Variants in VAPB observed in about 807,000 individuals in gnomAD.
VAPB encodes vesicle-associated membrane protein-associated protein B/C.
Under a neutral mutation model 25.6 loss-of-function variants are expected in VAPB, and 7 were observed. The observed-to-expected ratio is 0.27, with a 90% CI of 0.16 to 0.51. The LOEUF (loss-of-function observed/expected upper bound fraction) is 0.51, where lower values mean the gene tolerates loss of function less well. VAPB is among the 20% of genes least tolerant of loss of function. The probability of loss-of-function intolerance (pLI) is 0.97; values close to 1 mark genes in which losing one functional copy is unlikely to be tolerated. For synonymous variants in VAPB, 112 were observed against 109.2 expected (o/e 1.03, Z -0.16); for missense variants, 266 against 301.3 (o/e 0.88, Z 0.87).
At chr20:58,425,248 G>C (rs770957943) in intron 2 of VAPB, among the ~76,000 whole-genome samples, 1 of 152,194 alleles carries the variant, frequency 6.6e-6, no homozygotes, top group Non-Finnish European at 1.5e-5. Context: ...GGGAGTGCGA[G>C]ACTGAGGGCA....
intron 1 of VAPB, among the ~76,000 whole-genome samples, chr20:58,403,810 A>C (rs1988157275): frequency 6.6e-6 from 1 of 152,222 alleles, no homozygotes. Context: ...CCTCAAACTC[A>C]GCATGTTCCA....
chr20:58,401,174 T>G (rs954223465), intron 1 of VAPB, among the ~76,000 whole-genome samples: 3 of 152,258 alleles, frequency 2.0e-5, no homozygotes, highest in African/African-American at 7.2e-5. Flanking sequence ...ATGCTTTTGT[T>G]GCCTTTCTCT....
At position 58,444,094 on chromosome 20, in the gene VAPB, G is replaced by C; in HGVS notation, c.591G>C (p.Arg197=). Residue 197 remains arginine (R), a synonymous_variant, in exon 6 of 6, where the codon CGG becomes CGC. Transcript: ENST00000475243. ...NKQFKEEDGL[R]MRKTVQSNSP... The stretch of plus-strand genomic sequence containing the variant: ...TCCCGTAGGAAGAAGATGGACTGCG[G>C]ATGAGGAAGACAGTGCAGAGCAACA... The C allele has an allele frequency of 6.2e-7, 1 of 1,614,264 alleles. No homozygotes were observed. Among genetic ancestry groups the C allele is most frequent in the Non-Finnish European group, 8.5e-7 (1 of 1,180,046 alleles).
chr20:58,444,043 G>A, intron 5 of VAPB, 34 bp from the exon 6 acceptor site: 1 of 1,614,078 alleles, frequency 6.2e-7, no homozygotes, highest in South Asian at 1.1e-5. Context: ...CTGGTGCCTT[G>A]GCTTGTCTTT....
At chr20:58,402,026 C>CT (rs1436165159) in intron 1 of VAPB, among the ~76,000 whole-genome samples, 8 of 152,234 alleles carry the variant, frequency 5.3e-5, no homozygotes, top group African/African-American at 1.9e-4. Context: ...CGAGTCTTCT[C>CT]TTTCTTTCCA....
At chr20:58,395,637 G>A (rs1011665325) in intron 1 of VAPB, among the ~76,000 whole-genome samples, 3 of 152,178 alleles carry the variant, frequency 2.0e-5, no homozygotes, top group African/African-American at 4.8e-5. Flanking sequence ...AGCCTTTTGC[G>A]TTATTTTGCA....
rs548947654 is a variant in VAPB, at chr20:58,449,345, A to G, written c.*5110A>G. ...ATTACAGAGATATTTTGAAAAATTT[A>G]AAAGACATGAACTCACATAAACAGT... On this transcript the variant is annotated 3_prime_UTR_variant, in exon 6 of 6. Coordinates refer to ENST00000475243, the MANE Select transcript of VAPB (RefSeq NM_004738.5). 5.3e-4 allele frequency: 238 copies of G among 451,716 alleles called. 2 individuals are homozygous for G. Among genetic ancestry groups the G allele is most frequent in the African/African-American group, 4.5e-3 (226 of 49,882 alleles). 28.0% of individuals were successfully genotyped at this position (451,716 alleles called of 1,614,324 possible).
At chr20:58,432,872 AAG>A (rs958633582) in intron 2 of VAPB, among the ~76,000 whole-genome samples, 3 of 152,224 alleles carry the variant, frequency 2.0e-5, no homozygotes, top group Non-Finnish European at 4.4e-5. Flanking sequence ...ATGCCAGAGA[AAG>A]AGTTATGTTG....
Position 58,448,389 on chromosome 20 carries a change from A to G in VAPB, c.*4154A>G, listed in dbSNP as rs1211989675. ...TGATAGGAACCTTTTCAAGAAAGTT[A>G]CTGTTGTTTCAATGCCACTCCTTAC... On this transcript the variant is annotated 3_prime_UTR_variant, in exon 6 of 6. Coordinates refer to ENST00000475243, the MANE Select transcript of VAPB (RefSeq NM_004738.5). 3 of 454,110 alleles carry G rather than the reference A, an allele frequency of 6.6e-6. No individual in the cohort carries two copies. The highest frequency in any genetic ancestry group is 4.7e-5 in the South Asian group (3 of 64,474). The allele number at this position is 454,110 out of a possible 1,614,324, so 28.1% of individuals were successfully genotyped here. A position where few individuals can be genotyped will look rare whatever the true frequency, so the allele number is the denominator to read the frequency against.
rs1411619578 is a variant in VAPB, at chr20:58,446,000, G to A, written c.*1765G>A. 2 of 454,056 alleles carry A rather than the reference G, an allele frequency of 4.4e-6. No individual in the cohort carries two copies. Among genetic ancestry groups the A allele is most frequent in the South Asian group, 3.1e-5 (2 of 64,478 alleles). The allele number at this position is 454,056 out of a possible 1,614,324, so 28.1% of individuals were successfully genotyped here. ...TCCTAAGCCTGGCTCTGTCAAGCTG[G>A]GTCAGGGGCCTTGAAACTGGAGAAG... On this transcript the variant is annotated 3_prime_UTR_variant, in exon 6 of 6. Transcript: ENST00000475243.
chr20:58,426,776 A>G lies in VAPB; in HGVS notation c.212-7826A>G, dbSNP rs902713101. Among the ~76,000 whole-genome samples, 5 of 152,304 alleles carry G rather than the reference A, an allele frequency of 3.3e-5. No individual in the cohort carries two copies. In the South Asian group the frequency reaches 1.0e-3, roughly 32 times the overall value. ...GCAGGGTGATTTGGATGGGAAAGAAACTAGAAGAAACTTGGAAAAATCTAG... is the reference window on the plus strand; with the variant it reads ...GCAGGGTGATTTGGATGGGAAAGAAGCTAGAAGAAACTTGGAAAAATCTAG... On this transcript the variant is annotated intron_variant, in intron 2 of 5. Coordinates refer to ENST00000475243, the MANE Select transcript of VAPB (RefSeq NM_004738.5).
intron 5 of VAPB, among the ~76,000 whole-genome samples, chr20:58,441,513 G>T (rs1047703706): frequency 6.6e-6 from 1 of 152,162 alleles, no homozygotes; most frequent in South Asian, 2.1e-4. Flanking sequence ...GTGGTGGCAG[G>T]TGCCTGTAAT....
intron 1 of VAPB, among the ~76,000 whole-genome samples, chr20:58,403,213 C>T (rs1462465874): frequency 6.6e-6 from 1 of 152,146 alleles, no homozygotes. Context: ...ACTTCTCCTC[C>T]TCTTCTATTT....
intron 2 of VAPB, among the ~76,000 whole-genome samples, chr20:58,432,882 T>C (rs1988957880): frequency 6.6e-6 from 1 of 152,228 alleles, no homozygotes; most frequent in African/African-American, 2.4e-5. Context: ...AAGAGTTATG[T>C]TGATAAAAGG....
chr20:58,416,601 A>G (rs1277583379), intron 1 of VAPB, among the ~76,000 whole-genome samples: 1 of 152,104 alleles, frequency 6.6e-6, no homozygotes, highest in Non-Finnish European at 1.5e-5. Context: ...ATGTCCCTCT[A>G]ATATGCACAT....
rs183881877 is a variant in VAPB at position 58,425,205 on chromosome 20, A to G, written c.211+6842A>G. 1.4e-4 allele frequency among the ~76,000 whole-genome samples: 21 copies of G among 152,316 alleles called. 1 individual carries two copies. The highest frequency in any genetic ancestry group is 1.2e-3 in the Admixed American group (19 of 15,304). On this transcript the variant is annotated intron_variant, in intron 2 of 5. Transcript: ENST00000475243. The stretch of plus-strand genomic sequence containing the variant: ...CTGTAAGCACCATATGGTAGAGGAC[A>G]GTCTTTCTCTATGCAGGCTTTGTGA...
intron 2 of VAPB, among the ~76,000 whole-genome samples, chr20:58,422,786 TTTCAC>T (rs1359525686): frequency 1.3e-4 from 20 of 152,330 alleles, no homozygotes; most frequent in Non-Finnish European, 2.4e-4. Flanking sequence ...TGAATTCTAA[TTTCAC>T]TAAAGTAGCA....
chr20:58,402,191 C>G (rs1442741502), intron 1 of VAPB, among the ~76,000 whole-genome samples: 1 of 152,216 alleles, frequency 6.6e-6, no homozygotes, highest in East Asian at 1.9e-4. Flanking sequence ...GCACTCCCCC[C>G]ACATTGCCCT....
At chr20:58,438,079 G>T (rs1325733499) in intron 3 of VAPB, among the ~76,000 whole-genome samples, 1 of 152,130 alleles carries the variant, frequency 6.6e-6, no homozygotes. Context: ...CTAGGAAGGT[G>T]CTCTCACTAC....
Sources: gnomAD v4.1 joint callset for allele counts (sites outside exome capture counted in the v4.1 genomes callset) on GRCh38, gnomAD v4.1.1 for gene constraint, MANE v1.5 for transcripts, NCBI Gene and HGNC (gene_info 2026-07-23, HGNC 2026-07-21) for gene names.